The following RET variants were observed in gnomAD, a reference collection of about 807,000 sequenced individuals.
The protein encoded by RET is proto-oncogene tyrosine-protein kinase receptor Ret.
In RET, 19 loss-of-function variants were observed where a neutral mutation model predicts 118.3. That is an observed-to-expected ratio of 0.16 (90% CI 0.11 to 0.24). The LOEUF (loss-of-function observed/expected upper bound fraction) is 0.24, where lower values mean the gene tolerates loss of function less well. Among genes scored for constraint, RET ranks in the 10% least tolerant of loss-of-function variants. The pLI is 1.00. For missense variants in RET, 1,219 were observed against 1,502.1 expected (o/e 0.81, Z 3.12); for synonymous variants, 597 against 644.1 (o/e 0.93, Z 1.11).
intron 12 of RET, among the ~76,000 whole-genome samples, chr10:43,117,134 GC>G (rs1351745541): frequency 2.6e-5 from 4 of 152,200 alleles, no homozygotes; most frequent in Non-Finnish European, 4.4e-5. Flanking sequence ...TGGCCTGCAT[GC>G]CCAGTCATGC....
At chr10:43,100,269 T>C (rs967480141) in intron 1 of RET, among the ~76,000 whole-genome samples, 190 bp from the exon 2 acceptor site, 1 of 152,218 alleles carries the variant, frequency 6.6e-6, no homozygotes, top group African/African-American at 2.4e-5. Flanking sequence ...TTCCTTTTCT[T>C]TTTCTGTTTT....
Position 43,114,514 on chromosome 10 carries a change from C to T in RET, c.1914C>T (p.Ile638=), listed in dbSNP as rs375041479. ...GCGACGAGCTGTGCCGCACGGTGAT[C>T]GCAGCCGCTGTCCTCTTCTCCTTCA... The part of the protein sequence containing the change: ...PLCDELCRTV[I]AAAVLFSFIV... The change falls in exon 11 of 20, where the codon ATC becomes ATT. Residue 638 remains isoleucine, a synonymous_variant. Coordinates refer to ENST00000355710, the MANE Select transcript of RET (RefSeq NM_020975.6). The surrounding 1 kb of genome is among the most constrained non-coding windows in gnomAD (Gnocchi z 4.6). 30 of 1,608,782 alleles carry T rather than the reference C, an allele frequency of 1.9e-5. No homozygotes were observed. The South Asian group carries it at 1.9e-4, about 10-fold the overall frequency.
chr10:43,100,326 T>C (rs991067818), intron 1 of RET, 133 bp from the exon 2 acceptor site: 3 of 989,596 alleles, frequency 3.0e-6, no homozygotes, highest in Non-Finnish European at 4.6e-6. Flanking sequence ...AATAATTGAG[T>C]GTTCATGTTC....
chr10:43,084,379 C>G (rs1029935093), intron 1 of RET, among the ~76,000 whole-genome samples: 3 of 152,244 alleles, frequency 2.0e-5, no homozygotes, highest in African/African-American at 4.8e-5. Context: ...CTGTTATTCT[C>G]TGGTTCATGT....
At chr10:43,112,367 C>T in intron 8 of RET, 143 bp downstream of exon 8, 1 of 1,280,174 alleles carries the variant, frequency 7.8e-7, no homozygotes, top group Non-Finnish European at 1.1e-6. Flanking sequence ...GCTCTCGATG[C>T]CAGCATAGCG....
intron 1 of RET, among the ~76,000 whole-genome samples, chr10:43,084,753 G>A (rs981670444): frequency 1.4e-4 from 22 of 152,126 alleles, no homozygotes; most frequent in African/African-American, 5.3e-4. Context: ...GGAAGACCTG[G>A]ACTCTGAGGC....
At chr10:43,115,534 TC>T (rs1838052617) in intron 11 of RET, among the ~76,000 whole-genome samples, 1 of 152,214 alleles carries the variant, frequency 6.6e-6, no homozygotes, top group South Asian at 2.1e-4. Context: ...GTGGTCCCCA[TC>T]CTGGCCTGGC....
intron 1 of RET, among the ~76,000 whole-genome samples, chr10:43,098,614 G>A (rs1273986113): frequency 1.3e-5 from 2 of 152,102 alleles, no homozygotes; most frequent in Non-Finnish European, 2.9e-5. Context: ...TAGAGACGGG[G>A]TTTCACCATG....
intron 12 of RET, 108 bp downstream of exon 12, chr10:43,116,839 C>T (rs1163887038): frequency 2.2e-6 from 3 of 1,393,288 alleles, no homozygotes; most frequent in South Asian, 1.4e-5. Context: ...CAATGCTGTT[C>T]TAGAGCGGCT....
At chr10:43,118,532 C>CAG in intron 13 of RET, 52 bp downstream of exon 13, 3 of 1,289,112 alleles carry the variant, frequency 2.3e-6, no homozygotes, top group Non-Finnish European at 3.4e-6. Flanking sequence ...AGGCTGGGGG[C>CAG]TCCATACAGC....
chr10:43,126,998 AG>A, intron 19 of RET: 1 of 1,360,472 alleles, frequency 7.4e-7, no homozygotes, highest in Admixed American at 3.2e-5. Flanking sequence ...CGGAACTCTC[AG>A]GGGAGACCAA....
intron 7 of RET, 85 bp from the exon 8 acceptor site, chr10:43,112,014 C>G (rs2132793238): frequency 6.5e-7 from 1 of 1,533,108 alleles, no homozygotes; most frequent in Non-Finnish European, 8.8e-7. Context: ...GGCAGCTCAG[C>G]TGGTGCTGTT....
At position 43,106,577 on chromosome 10, in the gene RET, A is replaced by G; in HGVS notation, c.1063+6A>G. 1 of 1,612,972 alleles carries G rather than the reference A, an allele frequency of 6.2e-7. No individual in the cohort carries two copies. Among genetic ancestry groups the G allele is most frequent in the Non-Finnish European group, 8.5e-7 (1 of 1,179,502 alleles). On this transcript the variant is annotated splice_donor_region_variant and intron_variant, in intron 5 of 19. Transcript: ENST00000355710. This position sits in a 1 kb window ranked among gnomAD's most constrained non-coding sequence, Gnocchi z 5.1. ...GGCGACCGTACATGACTATAGTAAG[A>G]GGGGCTGGTGGCACGGCCTGGCTAG...
Position 43,128,433 on chromosome 10 carries a change from A to ACTTCTGATAGCCGGTGATTTTC in RET, c.*166_*187dup. 1 of 768,416 alleles carries ACTTCTGATAGCCGGTGATTTTC rather than the reference A, an allele frequency of 1.3e-6. No homozygotes were observed. Among genetic ancestry groups the ACTTCTGATAGCCGGTGATTTTC allele is most frequent in the East Asian group, 2.7e-5 (1 of 37,374 alleles). The allele number at this position is 768,416 out of a possible 1,614,324, so 47.6% of individuals were successfully genotyped here. A position where few individuals can be genotyped will look rare whatever the true frequency, so the allele number is the denominator to read the frequency against. Reference sequence around the variant, plus strand: ...TTGTTTTAACTTCCAAGGTGGTTTTACTTCTGATAGCCGGTGATTTTCCCT... The same window carrying ACTTCTGATAGCCGGTGATTTTC: ...TTGTTTTAACTTCCAAGGTGGTTTTACTTCTGATAGCCGGTGATTTTCCTTCTGATAGCCGGTGATTTTCCCT... On this transcript the variant is annotated 3_prime_UTR_variant, in exon 20 of 20. Coordinates refer to ENST00000355710, the MANE Select transcript of RET (RefSeq NM_020975.6).
At chr10:43,100,359 CCTG>C (rs539042867) in intron 1 of RET, 97 bp from the exon 2 acceptor site, 15,449 of 1,404,378 alleles carry the variant, frequency 0.011, 136 homozygotes, top group Non-Finnish European at 0.012. Flanking sequence ...ATGAAAAACT[CCTG>C]CTAAGATCGG....
intron 1 of RET, among the ~76,000 whole-genome samples, chr10:43,087,065 G>A (rs562032562): frequency 1.3e-5 from 2 of 152,386 alleles, no homozygotes; most frequent in Non-Finnish European, 2.9e-5. Context: ...TGTGCAGCGG[G>A]AATTCTGGGC....
intron 6 of RET, 113 bp downstream of exon 6, chr10:43,109,343 T>G (rs1588869676): frequency 9.1e-7 from 1 of 1,102,926 alleles, no homozygotes; most frequent in Non-Finnish European, 1.3e-6. Flanking sequence ...GTAGACTGGG[T>G]GGAGTCCTGA....
chr10:43,083,106 A>C (rs1027137361), intron 1 of RET, among the ~76,000 whole-genome samples: 1 of 152,204 alleles, frequency 6.6e-6, no homozygotes, highest in Admixed American at 6.5e-5. Context: ...TCACCCAGGG[A>C]AACAACGGGG....
chr10:43,086,705 T>C (rs1162460013), intron 1 of RET, among the ~76,000 whole-genome samples: 1 of 152,244 alleles, frequency 6.6e-6, no homozygotes, highest in Non-Finnish European at 1.5e-5. Context: ...TTCCTTTGCA[T>C]AGAAGCCGGA....
Sources: allele counts gnomAD v4.1 joint callset (sites outside exome capture counted in the v4.1 genomes callset), GRCh38; gene constraint gnomAD v4.1.1; non-coding constraint Gnocchi (gnomAD v3.1); transcripts MANE v1.5; gene names NCBI Gene and HGNC (gene_info 2026-07-23, HGNC 2026-07-21).